Variants in LYPD1 observed in about 807,000 individuals in gnomAD.
The protein encoded by LYPD1 is LY6/PLAUR domain containing 1.
LYPD1 carries 14 observed loss-of-function variants against 14.2 expected under a neutral mutation model. That is an observed-to-expected ratio of 0.99 (90% confidence interval 0.65 to 1.54). The LOEUF (loss-of-function observed/expected upper bound fraction) is 1.54. Ranked by LOEUF, LYPD1 falls within the 40% of genes most tolerant of loss-of-function variation. The pLI is 0.00. For synonymous variants in LYPD1, 85 were observed against 70.6 expected (o/e 1.20, Z -1.02); for missense variants, 165 against 175.7 (o/e 0.94, Z 0.34).
At position 132,645,426 on chromosome 2, in the gene LYPD1, CGCGTCCCGGCGCCAGTCCTCT is replaced by C. The variant is rs759536674; in HGVS notation, c.*598_*618del. The C allele has an allele frequency of 6.2e-6, 10 of 1,613,418 alleles. No homozygotes were observed. In the Admixed American group the frequency reaches 1.3e-4, roughly 22 times the overall value. On this transcript the variant is annotated 3_prime_UTR_variant, in exon 3 of 3. Transcript: ENST00000397463. Reference sequence around the variant, plus strand: ...GCTTTGTGCAGCGCCCGTTGCTCTTCGCGTCCCGGCGCCAGTCCTCTGCAAGGAGAACTGAGAAGATTTTCT... The same window carrying C: ...GCTTTGTGCAGCGCCCGTTGCTCTTCGCAAGGAGAACTGAGAAGATTTTCT...
intron 2 of LYPD1, among the ~76,000 whole-genome samples, chr2:132,651,044 C>T (rs1682343603): frequency 1.3e-5 from 2 of 152,122 alleles, no homozygotes; most frequent in South Asian, 4.1e-4. Flanking sequence ...ACACATTTTA[C>T]ATGCATATGC....
intron 2 of LYPD1, among the ~76,000 whole-genome samples, chr2:132,667,411 G>A (rs72985885): frequency 0.014 from 2,109 of 152,192 alleles, 60 homozygotes; most frequent in African/African-American, 0.048. Flanking sequence ...CTTTCCCAAG[G>A]TGTTGGCTTT....
At position 132,644,872 on chromosome 2, in the gene LYPD1, A is replaced by ATGGTC. The variant is rs1681968074; in HGVS notation, c.*1168_*1172dup. On this transcript the variant is annotated 3_prime_UTR_variant, in exon 3 of 3. Transcript: ENST00000397463. ...ATAAATACACTGTCTAAAGCATTTA[A>ATGGTC]TGGTCTTTCTTTAACACAGCCAACT... is the stretch of plus-strand genomic sequence containing the variant. 1 of 565,804 alleles carries ATGGTC rather than the reference A, an allele frequency of 1.8e-6. No homozygotes were observed. Among genetic ancestry groups the ATGGTC allele is most frequent in the East Asian group, 2.9e-5 (1 of 34,228 alleles). 35.0% of individuals were successfully genotyped at this position (565,804 alleles called of 1,614,324 possible).
At position 132,644,909 on chromosome 2, in the gene LYPD1, G is replaced by GAAAC. The variant is rs1385222597; in HGVS notation, c.*1132_*1135dup. 1.8e-5 allele frequency: 11 copies of GAAAC among 623,270 alleles called. No homozygotes were observed. Among genetic ancestry groups the GAAAC allele is most frequent in the Non-Finnish European group, 2.2e-5 (8 of 364,650 alleles). The allele number at this position is 623,270 out of a possible 1,614,324, so 38.6% of individuals were successfully genotyped here. On this transcript the variant is annotated 3_prime_UTR_variant, in exon 3 of 3. Coordinates refer to ENST00000397463, the MANE Select transcript of LYPD1 (RefSeq NM_144586.7). ...TAACACAGCCAACTCCCCCGGGTTTGAAACAGTGTTAAATTCTCTCTTGCT... is the reference window on the plus strand; with the variant it reads ...TAACACAGCCAACTCCCCCGGGTTTGAAACAAACAGTGTTAAATTCTCTCTTGCT...
At position 132,670,065 on chromosome 2, in the gene LYPD1, C is replaced by T. The variant is rs769855887; in HGVS notation, c.-133G>A. The T allele has an allele frequency of 3.3e-6, 5 of 1,519,440 alleles. No individual in the cohort carries two copies. Among genetic ancestry groups the T allele is most frequent in the African/African-American group, 2.8e-5 (2 of 70,838 alleles). 94.1% of individuals were successfully genotyped at this position (1,519,440 alleles called of 1,614,324 possible). On this transcript the variant is annotated 5_prime_UTR_variant, in exon 1 of 3. Coordinates refer to ENST00000397463, the MANE Select transcript of LYPD1 (RefSeq NM_144586.7). The surrounding 1 kb of genome is among the most constrained non-coding windows in gnomAD (Gnocchi z 4.5). Reference sequence around the variant, plus strand: ...GCGCTGCTGCCGCGGAGACGACGGTCGTAGCTTAGAGGAGCCGCAGGTGCC... The same window carrying T: ...GCGCTGCTGCCGCGGAGACGACGGTTGTAGCTTAGAGGAGCCGCAGGTGCC...
Position 132,670,121 on chromosome 2 carries a change from G to T in LYPD1, c.-189C>A. ...CGGAGCCTGCATCGCCCGCGCTCGG[G>T]CTCCCGGCTGCGGGTCTCTGCTCCT... On this transcript the variant is annotated 5_prime_UTR_variant, in exon 1 of 3. Coordinates refer to ENST00000397463, the MANE Select transcript of LYPD1 (RefSeq NM_144586.7). The surrounding 1 kb of genome is among the most constrained non-coding windows in gnomAD (Gnocchi z 4.5). 1 of 1,407,506 alleles carries T rather than the reference G, an allele frequency of 7.1e-7. No individual in the cohort carries two copies. The highest frequency in any genetic ancestry group is 1.5e-5 in the South Asian group (1 of 65,606). The allele number at this position is 1,407,506 out of a possible 1,614,324, so 87.2% of individuals were successfully genotyped here.
At chr2:132,654,527 A>C (rs191060074) in intron 2 of LYPD1, among the ~76,000 whole-genome samples, 2 of 152,162 alleles carry the variant, frequency 1.3e-5, no homozygotes, top group Non-Finnish European at 1.5e-5. Context: ...GGGTGAGTGC[A>C]TAGTCTGTGT....
rs1194980705 is a variant in LYPD1, at chr2:132,669,115, G to A, written c.53-578C>T. 2.6e-5 allele frequency among the ~76,000 whole-genome samples: 4 copies of A among 152,158 alleles called. No individual in the cohort carries two copies. The highest frequency in any genetic ancestry group is 5.9e-5 in the Non-Finnish European group (4 of 68,024). ...TGCTGCGCCGCAAGTCCCCGAGCCC[G>A]GGTCGGCGGCCCTTCTCCGGGGCCG... On this transcript the variant is annotated intron_variant, in intron 1 of 2. Transcript: ENST00000397463. This position sits in a 1 kb window ranked among gnomAD's most constrained non-coding sequence, Gnocchi z 4.3.
chr2:132,647,339 T>C (rs1263342818), intron 2 of LYPD1, among the ~76,000 whole-genome samples: 1 of 152,266 alleles, frequency 6.6e-6, no homozygotes, highest in African/African-American at 2.4e-5. Flanking sequence ...GTTTACTGTA[T>C]AGCAGTAAAT....
At position 132,654,119 on chromosome 2, in the gene LYPD1, G is replaced by A. The variant is rs149295398; in HGVS notation, c.191-7839C>T. Among the ~76,000 whole-genome samples the A allele has an allele frequency of 9.3e-4, 142 of 152,298 alleles. 1 individual carries two copies. The highest frequency in any genetic ancestry group is 6.8e-3 in the South Asian group (33 of 4,820). On this transcript the variant is annotated intron_variant, in intron 2 of 2. Transcript: ENST00000397463. ...TGTTAATTTCCTAGCCTTGATCATC[G>A]TACTGCGGTTATGTAGATTGTTAAC...
chr2:132,668,211 AATT>A (rs1683393726), intron 2 of LYPD1, among the ~76,000 whole-genome samples, 186 bp downstream of exon 2: 1 of 111,048 alleles, frequency 9.0e-6, no homozygotes, highest in South Asian at 2.8e-4. Context: ...AAGCCTTGGT[AATT>A]AACTCTAATG....
chr2:132,663,960 TC>T (rs1681385913), intron 2 of LYPD1, among the ~76,000 whole-genome samples: 1 of 152,234 alleles, frequency 6.6e-6, no homozygotes, highest in Admixed American at 6.5e-5. Context: ...TTTTCATTTT[TC>T]TTACAAGCAT....
intron 2 of LYPD1, among the ~76,000 whole-genome samples, chr2:132,650,760 T>C (rs1439441254): frequency 6.6e-6 from 1 of 152,088 alleles, no homozygotes; most frequent in Admixed American, 6.5e-5. Flanking sequence ...AATGAGTTTA[T>C]GCTTCTTACT....
At position 132,669,231 on chromosome 2, in the gene LYPD1, C is replaced by T. The variant is rs1260494589; in HGVS notation, c.52+650G>A. Among the ~76,000 whole-genome samples, 1 of 152,158 alleles carries T rather than the reference C, an allele frequency of 6.6e-6. No individual in the cohort carries two copies. The highest frequency in any genetic ancestry group is 1.5e-5 in the Non-Finnish European group (1 of 68,026). Reference sequence around the variant, plus strand: ...ATCCCCGACCCCGCAGCCCTTTCTTCCAGGCCCCGGCTTTCAGGACAACCG... The same window carrying T: ...ATCCCCGACCCCGCAGCCCTTTCTTTCAGGCCCCGGCTTTCAGGACAACCG... On this transcript the variant is annotated intron_variant, in intron 1 of 2. Coordinates refer to ENST00000397463, the MANE Select transcript of LYPD1 (RefSeq NM_144586.7). This position sits in a 1 kb window ranked among gnomAD's most constrained non-coding sequence, Gnocchi z 4.3.
chr2:132,646,394 A>G (rs1682080176), intron 2 of LYPD1, 114 bp from the exon 3 acceptor site: 2 of 596,822 alleles, frequency 3.4e-6, no homozygotes, highest in South Asian at 9.4e-5. Flanking sequence ...CAGCCCAGAG[A>G]CTAGGTGAGG....
At chr2:132,668,321 T>C in intron 2 of LYPD1, 79 bp downstream of exon 2, 1 of 1,486,528 alleles carries the variant, frequency 6.7e-7, no homozygotes, top group South Asian at 1.4e-5. Flanking sequence ...CAGTCCTTTT[T>C]CCTGCTATTT....
chr2:132,661,507 T>C (rs1243814343), intron 2 of LYPD1, among the ~76,000 whole-genome samples: 1 of 152,204 alleles, frequency 6.6e-6, no homozygotes, highest in African/African-American at 2.4e-5. Context: ...CTGAGCTTTC[T>C]TTTTAGATAT....
At position 132,645,999 on chromosome 2, in the gene LYPD1, G is replaced by C; in HGVS notation, c.*46C>G. 1 of 1,418,256 alleles carries C rather than the reference G, an allele frequency of 7.1e-7. No homozygotes were observed. Among genetic ancestry groups the C allele is most frequent in the Non-Finnish European group, 9.5e-7 (1 of 1,055,190 alleles). The allele number at this position is 1,418,256 out of a possible 1,614,324, so 87.9% of individuals were successfully genotyped here. ...CTCAGGGAGGTGGGGGGTTGGGGGCGAGGGCTGGAAGAACAATGCAGGAGG... is the reference window on the plus strand; with the variant it reads ...CTCAGGGAGGTGGGGGGTTGGGGGCCAGGGCTGGAAGAACAATGCAGGAGG... On this transcript the variant is annotated 3_prime_UTR_variant, in exon 3 of 3. Transcript: ENST00000397463.
chr2:132,645,434 G>A lies in LYPD1; in HGVS notation c.*611C>T, dbSNP rs1682009454. The A allele has an allele frequency of 1.9e-6, 3 of 1,613,520 alleles. No homozygotes were observed. Among genetic ancestry groups the A allele is most frequent in the African/African-American group, 2.7e-5 (2 of 75,046 alleles). On this transcript the variant is annotated 3_prime_UTR_variant, in exon 3 of 3. Coordinates refer to ENST00000397463, the MANE Select transcript of LYPD1 (RefSeq NM_144586.7). ...CAGCGCCCGTTGCTCTTCGCGTCCC[G>A]GCGCCAGTCCTCTGCAAGGAGAACT...
Sources: allele counts gnomAD v4.1 joint callset (sites outside exome capture counted in the v4.1 genomes callset), GRCh38; gene constraint gnomAD v4.1.1; non-coding constraint Gnocchi (gnomAD v3.1); transcripts MANE v1.5; gene names NCBI Gene and HGNC (gene_info 2026-07-23, HGNC 2026-07-21).